Variants in TSPOAP1 observed in about 807,000 individuals in gnomAD.
The protein encoded by TSPOAP1 is peripheral-type benzodiazepine receptor-associated protein 1.
Under a neutral mutation model 197.0 loss-of-function variants are expected in TSPOAP1, and 87 were observed. That is an observed-to-expected ratio of 0.44 (90% CI 0.37 to 0.53). The LOEUF (loss-of-function observed/expected upper bound fraction) is 0.53. Ranked by LOEUF, TSPOAP1 falls within the 20% of genes least tolerant of loss-of-function variation. TSPOAP1 has a pLI of 0.00. For missense variants in TSPOAP1, 2,174 were observed against 2,411.3 expected (o/e 0.90, Z 2.06); for synonymous variants, 913 against 998.9 (o/e 0.91, Z 1.62).
intron 18 of TSPOAP1, 50 bp from the exon 19 acceptor site, chr17:58,311,263 A>C: frequency 1.3e-6 from 2 of 1,593,440 alleles, no homozygotes; most frequent in Non-Finnish European, 1.7e-6. Context: ...GAGACAGCCA[A>C]GCGTGAGGAT....
rs76664623 is a variant in TSPOAP1 at position 58,325,608 on chromosome 17, C to T, written c.676G>A (p.Ala226Thr). ...AAGGCAGCAATCTGCTTGTCCTTGG[C>T]CAGCAGTGCACTGGCTGTCTCACTG... is the stretch of plus-strand genomic sequence containing the variant. ...DLSETASALLAKDKQIAALQR... is the reference protein window; with the variant it reads ...DLSETASALLTKDKQIAALQR... The change falls in exon 4 of 32, where the codon GCC becomes ACC. Residue 226 changes from alanine to threonine, a missense_variant. Coordinates refer to ENST00000343736, the MANE Select transcript of TSPOAP1 (RefSeq NM_004758.4). 325 of 1,613,646 alleles carry T rather than the reference C, an allele frequency of 2.0e-4. No homozygotes were observed. The African/African-American group carries it at 4.1e-3, about 21-fold the overall frequency.
Position 58,327,956 on chromosome 17 carries a change from G to A in TSPOAP1, c.-36C>T. 8 of 1,529,708 alleles carry A rather than the reference G, an allele frequency of 5.2e-6. No individual in the cohort carries two copies. Among genetic ancestry groups the A allele is most frequent in the Non-Finnish European group, 7.1e-6 (8 of 1,132,922 alleles). 94.8% of individuals were successfully genotyped at this position (1,529,708 alleles called of 1,614,324 possible). ...AGGGGCCCCAGAACCCGGGCCGGGG[G>A]ACATCACCCAGCCAGGTGGGGGGAC... On this transcript the variant is annotated 5_prime_UTR_variant, in exon 1 of 32. Coordinates refer to ENST00000343736, the MANE Select transcript of TSPOAP1 (RefSeq NM_004758.4).
chr17:58,303,836 A>C (rs1970789844), intron 31 of TSPOAP1: 1 of 152,584 alleles, frequency 6.6e-6, no homozygotes, highest in Admixed American at 6.5e-5. Context: ...TCCCCCAAGT[A>C]GAGAAAACTG....
Position 58,305,526 on chromosome 17 carries a change from C to A in TSPOAP1, c.5361+14G>T. 6.2e-7 allele frequency: 1 copy of A among 1,610,952 alleles called. No individual in the cohort carries two copies. Among genetic ancestry groups the A allele is most frequent in the South Asian group, 1.1e-5 (1 of 90,898 alleles). On this transcript the variant is annotated intron_variant, in intron 28 of 31. Coordinates refer to ENST00000343736, the MANE Select transcript of TSPOAP1 (RefSeq NM_004758.4). The stretch of plus-strand genomic sequence containing the variant: ...GCCACCGCCCTTTGCTGGGCTCTAT[C>A]TGAGGGTCCTCACCTCCACGTCCAT...
chr17:58,305,816 C>T lies in TSPOAP1; in HGVS notation c.5257+17G>A, dbSNP rs757563585. The T allele has an allele frequency of 6.2e-7, 1 of 1,612,854 alleles. No homozygotes were observed. Among genetic ancestry groups the T allele is most frequent in the Non-Finnish European group, 8.5e-7 (1 of 1,179,624 alleles). ...ATCTCCTTCCCCAGCCTCCCGGGCC[C>T]AGGGATATTCCTTCACCTGGACAGG... is the stretch of plus-strand genomic sequence containing the variant. On this transcript the variant is annotated intron_variant, in intron 27 of 31. Transcript: ENST00000343736.
At chr17:58,323,428 C>A (rs1322146642) in intron 6 of TSPOAP1, 40 bp downstream of exon 6, 1 of 1,614,114 alleles carries the variant, frequency 6.2e-7, no homozygotes, top group East Asian at 2.2e-5. Flanking sequence ...GGTACATCTG[C>A]CCACAGCAGG....
chr17:58,314,239 G>C (rs1283733063), intron 16 of TSPOAP1, among the ~76,000 whole-genome samples: 1 of 152,188 alleles, frequency 6.6e-6, no homozygotes, highest in East Asian at 1.9e-4. Context: ...AGAAACAAGA[G>C]GGACTGTCAA....
chr17:58,315,011 T>C (rs947881843), intron 16 of TSPOAP1, among the ~76,000 whole-genome samples: 1 of 152,256 alleles, frequency 6.6e-6, no homozygotes, highest in Non-Finnish European at 1.5e-5. Context: ...AGTTAATACT[T>C]ATGCCTTTGC....
At chr17:58,307,030 A>G in intron 24 of TSPOAP1, 62 bp from the exon 25 acceptor site, 1 of 1,526,190 alleles carries the variant, frequency 6.6e-7, no homozygotes, top group Non-Finnish European at 8.9e-7. Flanking sequence ...TAGGCCCCGA[A>G]CCCCAGCAAC....
Position 58,301,461 on chromosome 17 carries a change from C to G in TSPOAP1, c.*1019G>C, listed in dbSNP as rs192611285. 1 of 152,754 alleles carries G rather than the reference C, an allele frequency of 6.5e-6. No individual in the cohort carries two copies. Among genetic ancestry groups the G allele is most frequent in the East Asian group, 1.9e-4 (1 of 5,188 alleles). 9.5% of individuals were successfully genotyped at this position (152,754 alleles called of 1,614,324 possible). A position where few individuals can be genotyped will look rare whatever the true frequency, so the allele number is the denominator to read the frequency against. On this transcript the variant is annotated 3_prime_UTR_variant, in exon 32 of 32. Transcript: ENST00000343736. ...CTGAACAGGGAATGTATGAAAATAG[C>G]TGCATAAATCTGTCCTTTTCTCCAG...
At position 58,311,694 on chromosome 17, in the gene TSPOAP1, C is replaced by T. The variant is rs750046131; in HGVS notation, c.2958G>A (p.Gln986=). The T allele has an allele frequency of 6.3e-7, 1 of 1,596,002 alleles. No individual in the cohort carries two copies. The highest frequency in any genetic ancestry group is 8.6e-7 in the Non-Finnish European group (1 of 1,169,188). The part of the protein sequence containing the change: ...AGPPDAPLDV[Q]IEPGPSPGIL... ...TCCCAGGGGAGGGCCCAGGCTCGAT[C>T]TGCACATCCAGAGGGGCATCAGGTG... Residue 986 remains glutamine (Q), a synonymous_variant, in exon 18 of 32, where the codon CAG becomes CAA. Coordinates refer to ENST00000343736, the MANE Select transcript of TSPOAP1 (RefSeq NM_004758.4).
At chr17:58,320,725 G>C in intron 10 of TSPOAP1, 144 bp from the exon 11 acceptor site, 1 of 570,904 alleles carries the variant, frequency 1.8e-6, no homozygotes, top group African/African-American at 1.9e-5. Context: ...AGAGAGGGAA[G>C]AGGGATAGGG....
At position 58,308,687 on chromosome 17, in the gene TSPOAP1, C is replaced by T. The variant is rs1970984764; in HGVS notation, c.4585G>A (p.Gly1529Ser). ...SCYPGDGEAW[G>S]TATVGRPRGP... ...CTGGGCCTTCCTACAGTTGCTGTGC[C>T]CCAGGCCTCCCCATCTCCAGGGTAG... is the stretch of plus-strand genomic sequence containing the variant. Residue 1529 changes from glycine (G) to serine (S), a missense_variant, in exon 22 of 32, where the codon GGC (glycine) becomes AGC (serine). By Grantham distance (56) the Gly-to-Ser change is moderately conservative. Coordinates refer to ENST00000343736, the MANE Select transcript of TSPOAP1 (RefSeq NM_004758.4). 1.9e-6 allele frequency: 3 copies of T among 1,612,792 alleles called. No individual in the cohort carries two copies. The highest frequency in any genetic ancestry group is 1.1e-5 in the South Asian group (1 of 91,064).
intron 16 of TSPOAP1, 113 bp downstream of exon 16, chr17:58,315,910 T>A (rs1388655128): frequency 1.2e-6 from 1 of 809,878 alleles, no homozygotes; most frequent in African/African-American, 1.7e-5. Flanking sequence ...GATGGATGGA[T>A]GGATGGATGG....
rs61741210 is a variant in TSPOAP1, at chr17:58,309,371, C to T, written c.3901G>A (p.Asp1301Asn). The change falls in exon 22 of 32, where the codon GAC becomes AAC. Residue 1301 changes from aspartate (D) to asparagine (N), a missense_variant. Asp to Asn is a conservative substitution (Grantham distance 23, BLOSUM62 1). This residue lies in a region of TSPOAP1 where 1,933 missense variants were observed against 2,139.0 expected (regional missense o/e 0.90). Transcript: ENST00000343736. The surrounding 1 kb of genome is among the most constrained non-coding windows in gnomAD (Gnocchi z 5.0). The stretch of plus-strand genomic sequence containing the variant: ...TCGCTGTCAGTCTCACAAAAGGGGT[C>T]GGGCTGGGACTGGTGGAGGTGGGGA... ...IRENGAKSQP[D>N]PFCETDSDEE... 37,120 of 1,608,002 alleles carry T rather than the reference C, an allele frequency of 0.023. 541 individuals are homozygous for T. The highest frequency in any genetic ancestry group is 0.036 in the Middle Eastern group (218 of 6,058).
At position 58,304,200 on chromosome 17, in the gene TSPOAP1, A is replaced by G; in HGVS notation, c.*32+138T>C. On this transcript the variant is annotated intron_variant, in intron 31 of 31. Coordinates refer to ENST00000343736, the MANE Select transcript of TSPOAP1 (RefSeq NM_004758.4). This position sits in a 1 kb window ranked among gnomAD's most constrained non-coding sequence, Gnocchi z 4.2. ...ATGACTCTTCATGCAAATCTGGCTC[A>G]TGGCAAGCTCTCCTTCGCCATTCCC... The G allele has an allele frequency of 8.8e-6, 6 of 682,376 alleles. No individual in the cohort carries two copies. The highest frequency in any genetic ancestry group is 7.6e-5 in the Admixed American group (3 of 39,336). The allele number at this position is 682,376 out of a possible 1,614,324, so 42.3% of individuals were successfully genotyped here. A position where few individuals can be genotyped will look rare whatever the true frequency, so the allele number is the denominator to read the frequency against.
At chr17:58,325,926 G>T (rs1012503182) in intron 3 of TSPOAP1, among the ~76,000 whole-genome samples, 2 of 152,162 alleles carry the variant, frequency 1.3e-5, no homozygotes, top group Non-Finnish European at 2.9e-5. Flanking sequence ...TAGGATCAAA[G>T]GATGCTGCTA....
chr17:58,325,768 C>T (rs1223109832), intron 3 of TSPOAP1, 55 bp from the exon 4 acceptor site: 2 of 1,522,196 alleles, frequency 1.3e-6, no homozygotes, highest in Non-Finnish European at 8.8e-7. Flanking sequence ...GCACTTCTCC[C>T]ACTCCTCATC....
In TSPOAP1 at chr17:58,322,969, C is replaced by G. The variant is rs1971447637; in HGVS notation, c.1175G>C (p.Arg392Thr). 6.2e-7 allele frequency: 1 copy of G among 1,610,936 alleles called. No homozygotes were observed. The highest frequency in any genetic ancestry group is 1.1e-5 in the South Asian group (1 of 90,380). Residue 392 changes from arginine (R) to threonine (T), a missense_variant, in exon 8 of 32, where the codon AGA (arginine) becomes ACA (threonine). Arg to Thr is a moderately conservative substitution (Grantham distance 71). This residue lies in a region of TSPOAP1 where 1,933 missense variants were observed against 2,139.0 expected (regional missense o/e 0.90). Transcript: ENST00000343736. This position sits in a 1 kb window ranked among gnomAD's most constrained non-coding sequence, Gnocchi z 5.0. Reference protein sequence around the residue: ...LVEENSRLSGRATEKEQVEWE... With the variant: ...LVEENSRLSGTATEKEQVEWE... ...TGGTACCTGCTCCTTCTCTGTGGCT[C>G]TCCCACTGAGCCGGGAGTTCTCCTC...
Sources: gnomAD v4.1 joint callset for allele counts (sites outside exome capture counted in the v4.1 genomes callset) on GRCh38, gnomAD v4.1.1 for gene constraint, gnomAD v4.1.1 regional missense constraint, Gnocchi (gnomAD v3.1) non-coding constraint, MANE v1.5 for transcripts, NCBI Gene and HGNC (gene_info 2026-07-23, HGNC 2026-07-21) for gene names.